CXADR: variants seen among roughly 807,000 people sequenced by gnomAD.
CXADR encodes the protein CXADR cell adhesion molecule.
Under a neutral mutation model 40.3 loss-of-function variants are expected in CXADR, and 20 were observed. That is an observed-to-expected ratio of 0.50 (90% CI 0.35 to 0.72). The LOEUF is 0.72. Among genes scored for constraint, CXADR ranks in the 30% least tolerant of loss-of-function variants. The pLI, the probability that CXADR is intolerant of heterozygous loss-of-function variation, is 0.01. For missense variants in CXADR, 332 were observed against 449.1 expected (o/e 0.74, Z 2.36); for synonymous variants, 150 against 161.3 (o/e 0.93, Z 0.53).
chr21:17,578,997 A>G (rs2061341225), intron 7 of CXADR, among the ~76,000 whole-genome samples: 1 of 152,122 alleles, frequency 6.6e-6, no homozygotes, highest in East Asian at 1.9e-4. Context: ...CATCTGATTC[A>G]TAAGACCCAA....
downstream of CXADR, among the ~76,000 whole-genome samples, chr21:17,598,303 A>G (rs1049735499): frequency 1.3e-5 from 2 of 152,232 alleles, no homozygotes; most frequent in Non-Finnish European, 2.9e-5. Context: ...ACATACTACA[A>G]AAAATAAGTG....
the CXADR span, chr21:17,605,076 A>C: frequency 6.8e-7 from 1 of 1,471,248 alleles, no homozygotes; most frequent in Non-Finnish European, 9.2e-7. Flanking sequence ...ATACTTGCCA[A>C]GGTGAGTAAT....
chr21:17,554,909 G>T (rs753068351), intron 3 of CXADR, among the ~76,000 whole-genome samples: 3 of 152,166 alleles, frequency 2.0e-5, no homozygotes, highest in Non-Finnish European at 4.4e-5. Context: ...TAATGGCAGT[G>T]CATTCATTGA....
At chr21:17,587,748 C>T (rs2061408067) in intron 7 of CXADR, among the ~76,000 whole-genome samples, 1 of 151,800 alleles carries the variant, frequency 6.6e-6, no homozygotes, top group Middle Eastern at 3.4e-3. Context: ...TAATTAGATC[C>T]CATTTGTCAA....
chr21:17,514,694 C>T (rs1016884886), intron 1 of CXADR, among the ~76,000 whole-genome samples: 56 of 151,110 alleles, frequency 3.7e-4, no homozygotes, highest in African/African-American at 1.3e-3. Flanking sequence ...AGTGCAATGG[C>T]GTGATCTTGG....
At chr21:17,598,885 C>T in the CXADR span, 4 of 1,372,526 alleles carry the variant, frequency 2.9e-6, no homozygotes, top group South Asian at 5.3e-5. Flanking sequence ...AAAAAATGTC[C>T]ATAAAAACAA....
At chr21:17,592,011 C>T (rs529333242) in intron 7 of CXADR, among the ~76,000 whole-genome samples, 2 of 151,900 alleles carry the variant, frequency 1.3e-5, no homozygotes, top group South Asian at 2.1e-4. Flanking sequence ...GATGGGTAGT[C>T]GAAACACTGG....
the CXADR span, chr21:17,605,212 G>A: frequency 2.1e-6 from 1 of 472,222 alleles, no homozygotes; most frequent in East Asian, 3.7e-5. Flanking sequence ...TGAGCCCAAG[G>A]AAATCACTAG....
chr21:17,578,475 A>G (rs1428902545), intron 7 of CXADR, among the ~76,000 whole-genome samples: 1 of 152,240 alleles, frequency 6.6e-6, no homozygotes. Context: ...AAATGAAATC[A>G]TACATGATGA....
intron 1 of CXADR, among the ~76,000 whole-genome samples, chr21:17,530,114 ATT>A (rs56341807): frequency 7.4e-5 from 7 of 94,958 alleles, no homozygotes; most frequent in East Asian, 3.4e-4. Flanking sequence ...ATGCCAGGCT[ATT>A]TTTTTTTTTT....
chr21:17,616,748 G>A, the CXADR span, among the ~76,000 whole-genome samples: 1 of 152,084 alleles, frequency 6.6e-6, no homozygotes, highest in African/African-American at 2.4e-5. Flanking sequence ...GGGGCCTTTG[G>A]AGGTCCAGCA....
Position 17,575,802 on chromosome 21 carries a change from T to A in CXADR, c.1017+10191T>A, listed in dbSNP as rs1199373168. 2.6e-5 allele frequency among the ~76,000 whole-genome samples: 4 copies of A among 151,372 alleles called. No individual in the cohort carries two copies. In the East Asian group the frequency reaches 7.9e-4, roughly 30 times the overall value. On this transcript the variant is annotated intron_variant, in intron 7 of 7. Coordinates refer to the CXADR transcript ENST00000400169. ...ATTTTTAAAGTTAAAAAAAAATGAT[T>A]TTAGGCTGGGCGCAGTGGCTCACGC...
chr21:17,536,830 C>T (rs1303374222), intron 1 of CXADR, among the ~76,000 whole-genome samples: 1 of 152,066 alleles, frequency 6.6e-6, no homozygotes, highest in Non-Finnish European at 1.5e-5. Flanking sequence ...GATCTCAGCT[C>T]ACTGCAACCT....
chr21:17,565,615 G>A lies in CXADR; in HGVS notation c.1021G>A (p.Ala341Thr). Residue 341 changes from alanine to threonine, a missense_variant, in exon 7 of 7, where the codon GCT (alanine) becomes ACT (threonine). Around this residue, in one of 3 missense-constraint regions of CXADR, gnomAD observed 150 missense variants for 194.2 expected, o/e 0.77. Transcript: ENST00000284878. ...QSPTLPPAKV[A>T]APNLSRMGAI... Reference sequence around the variant, plus strand: ...TCCGACTCTCCCACCTGCTAAGGTAGCTGCCCCTAATCTAAGTCGAATGGG... The same window carrying A: ...TCCGACTCTCCCACCTGCTAAGGTAACTGCCCCTAATCTAAGTCGAATGGG... 2 of 1,612,696 alleles carry A rather than the reference G, an allele frequency of 1.2e-6. No individual in the cohort carries two copies. The highest frequency in any genetic ancestry group is 1.7e-6 in the Non-Finnish European group (2 of 1,179,848).
intron 7 of CXADR, among the ~76,000 whole-genome samples, chr21:17,587,186 C>G (rs1356111348): frequency 6.6e-6 from 1 of 152,108 alleles, no homozygotes; most frequent in Admixed American, 6.6e-5. Context: ...GTGAATAGTG[C>G]CGCAATAAAC....
chr21:17,613,229 G>A, the CXADR span: 1 of 152,248 alleles, frequency 6.6e-6, no homozygotes, highest in Non-Finnish European at 1.5e-5. Flanking sequence ...CGCCTTCGGG[G>A]GTCGCGCGGG....
chr21:17,551,641 C>G (rs2060970255), intron 2 of CXADR, 108 bp from the exon 3 acceptor site: 1 of 872,342 alleles, frequency 1.1e-6, no homozygotes, highest in African/African-American at 1.7e-5. Flanking sequence ...TTTTTCTTTT[C>G]TGGGAGGGGG....
chr21:17,526,679 G>A (rs1359735699), intron 1 of CXADR, among the ~76,000 whole-genome samples: 2 of 152,088 alleles, frequency 1.3e-5, no homozygotes, highest in Admixed American at 1.3e-4. Context: ...TTTTCTTATT[G>A]GAGTTAACTT....
At chr21:17,619,743 G>A in the CXADR span, among the ~76,000 whole-genome samples, 1 of 145,096 alleles carries the variant, frequency 6.9e-6, no homozygotes, top group African/African-American at 2.5e-5. Context: ...GTTTAGTGTA[G>A]TCACCTTCAA....
Sources: gnomAD v4.1 joint callset for allele counts (sites outside exome capture counted in the v4.1 genomes callset) on GRCh38, gnomAD v4.1.1 for gene constraint, gnomAD v4.1.1 regional missense constraint, MANE v1.5 for transcripts, NCBI Gene and HGNC (gene_info 2026-07-23, HGNC 2026-07-21) for gene names.